KSR1: variants seen among roughly 807,000 people sequenced by gnomAD.
KSR1 encodes the protein kinase suppressor of ras.
Under a neutral mutation model 92.9 loss-of-function variants are expected in KSR1, and 35 were observed. The observed-to-expected ratio is 0.38, with a 90% CI of 0.29 to 0.50. The LOEUF (loss-of-function observed/expected upper bound fraction) is 0.50. Ranked by LOEUF, KSR1 falls within the 20% of genes least tolerant of loss-of-function variation. KSR1 has a pLI of 0.94. For missense variants in KSR1, 972 were observed against 1,158.5 expected (o/e 0.84, Z 2.34); for synonymous variants, 467 against 472.6 (o/e 0.99, Z 0.15).
chr17:27,542,609 G>A (rs972733643), intron 1 of KSR1, among the ~76,000 whole-genome samples: 8 of 152,178 alleles, frequency 5.3e-5, no homozygotes, highest in African/African-American at 1.2e-4. Flanking sequence ...AAAGTCAGTC[G>A]TCTGGAAAGA....
chr17:27,549,835 C>A (rs1011908620), intron 1 of KSR1, among the ~76,000 whole-genome samples: 2 of 152,132 alleles, frequency 1.3e-5, no homozygotes, highest in Non-Finnish European at 2.9e-5. Context: ...AAGATGGAGA[C>A]CTTTGACAAG....
At chr17:27,593,195 G>C (rs1284391364) in intron 9 of KSR1, among the ~76,000 whole-genome samples, 2 of 152,248 alleles carry the variant, frequency 1.3e-5, no homozygotes, top group South Asian at 2.1e-4. Context: ...TGCTGAGGCA[G>C]ACGGGTGTCC....
At chr17:27,473,444 T>C (rs1261725105) in intron 1 of KSR1, among the ~76,000 whole-genome samples, 2 of 152,144 alleles carry the variant, frequency 1.3e-5, no homozygotes, top group Admixed American at 1.3e-4. Flanking sequence ...CAGGTGGCCA[T>C]TCGCAGAAAG....
chr17:27,482,824 A>G (rs1183137998), intron 1 of KSR1, among the ~76,000 whole-genome samples: 1 of 152,200 alleles, frequency 6.6e-6, no homozygotes, highest in Non-Finnish European at 1.5e-5. Context: ...ACAGTTGTTA[A>G]AGGTGAGTGG....
At chr17:27,520,198 A>G (rs2069965059) in intron 1 of KSR1, among the ~76,000 whole-genome samples, 1 of 152,242 alleles carries the variant, frequency 6.6e-6, no homozygotes, top group African/African-American at 2.4e-5. Context: ...AAGTTCATGT[A>G]GCAAATGGAG....
At chr17:27,470,974 G>T (rs1297167128) in intron 1 of KSR1, among the ~76,000 whole-genome samples, 1 of 151,748 alleles carries the variant, frequency 6.6e-6, no homozygotes, top group East Asian at 2.0e-4. Context: ...GGGTTCAAGC[G>T]ATTCTTGTGC....
intron 1 of KSR1, among the ~76,000 whole-genome samples, chr17:27,548,797 C>T (rs986052735): frequency 2.6e-5 from 4 of 151,756 alleles, no homozygotes; most frequent in Non-Finnish European, 5.9e-5. Flanking sequence ...GCCACTGCAC[C>T]CCAGCCTGCC....
At chr17:27,541,329 A>G (rs1471355269) in intron 1 of KSR1, among the ~76,000 whole-genome samples, 1 of 152,236 alleles carries the variant, frequency 6.6e-6, no homozygotes, top group Non-Finnish European at 1.5e-5. Context: ...AAAGCATACT[A>G]GGATCTTCTT....
chr17:27,571,385 A>G (rs1029748817), intron 2 of KSR1, among the ~76,000 whole-genome samples: 1 of 152,192 alleles, frequency 6.6e-6, no homozygotes, highest in Admixed American at 6.5e-5. Flanking sequence ...TAGGAGAAAC[A>G]TCTGTCAGGT....
At chr17:27,621,154 C>T (rs1209715091) in intron 19 of KSR1, 39 bp from the exon 20 acceptor site, 1 of 398,578 alleles carries the variant, frequency 2.5e-6, no homozygotes, top group Admixed American at 4.4e-5. Context: ...GGACTGCGCT[C>T]TTCCCACGCC....
intron 15 of KSR1, 89 bp from the exon 16 acceptor site, chr17:27,609,107 C>G (rs1229531800): frequency 7.0e-7 from 1 of 1,418,612 alleles, no homozygotes; most frequent in Non-Finnish European, 9.6e-7. Flanking sequence ...TTGTGAAGAT[C>G]AAATATGGGG....
At chr17:27,593,952 T>C (rs954547574) in intron 9 of KSR1, among the ~76,000 whole-genome samples, 1 of 152,154 alleles carries the variant, frequency 6.6e-6, no homozygotes, top group Non-Finnish European at 1.5e-5. Context: ...CCATGAGGGC[T>C]CCAGTCCTGT....
chr17:27,585,910 C>G, intron 5 of KSR1: 1 of 558,606 alleles, frequency 1.8e-6, no homozygotes, highest in Non-Finnish European at 3.2e-6. Flanking sequence ...TCTCAGCCCA[C>G]AGGCAGCCCC....
At position 27,623,818 on chromosome 17, in the gene KSR1, T is replaced by C. The variant is rs1326097832; in HGVS notation, c.*426T>C. On this transcript the variant is annotated 3_prime_UTR_variant, in exon 21 of 21. Coordinates refer to ENST00000644974, the MANE Select transcript of KSR1 (RefSeq NM_001394583.1). ...ATGGTAATTGCAGCTGTTCTTGGGG[T>C]AGGGCGGGGAGCCCAGAAGGTCTGA... 1.9e-6 allele frequency: 1 copy of C among 531,978 alleles called. No homozygotes were observed. Among genetic ancestry groups the C allele is most frequent in the East Asian group, 3.3e-5 (1 of 30,160 alleles). The allele number at this position is 531,978 out of a possible 1,614,324, so 33.0% of individuals were successfully genotyped here. A position where few individuals can be genotyped will look rare whatever the true frequency, so the allele number is the denominator to read the frequency against.
chr17:27,584,408 G>A (rs1200792972), intron 4 of KSR1, among the ~76,000 whole-genome samples: 2 of 152,162 alleles, frequency 1.3e-5, no homozygotes, highest in Non-Finnish European at 2.9e-5. Flanking sequence ...GAGAGATCCA[G>A]GTGTCACCGA....
At chr17:27,601,769 ATCC>A in intron 11 of KSR1, 1 of 713,874 alleles carries the variant, frequency 1.4e-6, no homozygotes, top group African/African-American at 1.8e-5. Flanking sequence ...ATGTCACCGT[ATCC>A]TCCCTTGCAC....
chr17:27,512,375 T>C (rs540816654), intron 1 of KSR1, among the ~76,000 whole-genome samples: 1 of 152,314 alleles, frequency 6.6e-6, no homozygotes, highest in East Asian at 1.9e-4. Context: ...AGAGGAGGAT[T>C]CCAGGCATCC....
rs1459660500 is a variant in KSR1, at chr17:27,625,346, G to A, written c.*1954G>A. ...CACAGGCCCACAGAAAGTCAGTCTG[G>A]GTTTTGCTTTTCTCGTGAGCATCAC... On this transcript the variant is annotated 3_prime_UTR_variant, in exon 21 of 21. Coordinates refer to ENST00000644974, the MANE Select transcript of KSR1 (RefSeq NM_001394583.1). 1.3e-5 allele frequency: 2 copies of A among 152,282 alleles called. No individual in the cohort carries two copies. Among genetic ancestry groups the A allele is most frequent in the Non-Finnish European group, 2.9e-5 (2 of 68,072 alleles). 9.4% of individuals were successfully genotyped at this position (152,282 alleles called of 1,614,324 possible).
At chr17:27,547,887 AT>A (rs963359035) in intron 1 of KSR1, among the ~76,000 whole-genome samples, 6 of 151,818 alleles carry the variant, frequency 4.0e-5, no homozygotes, top group African/African-American at 1.5e-4. Context: ...TAATTTTTGT[AT>A]TTTTAGTAGA....
Sources: gnomAD v4.1 joint callset for allele counts (sites outside exome capture counted in the v4.1 genomes callset) on GRCh38, gnomAD v4.1.1 for gene constraint, MANE v1.5 for transcripts, NCBI Gene and HGNC (gene_info 2026-07-23, HGNC 2026-07-21) for gene names.